Variants in SLC52A3 observed in about 807,000 individuals in gnomAD.
SLC52A3 encodes solute carrier family 52 member 3.
SLC52A3 carries 20 observed loss-of-function variants against 29.5 expected under a neutral mutation model. The observed-to-expected ratio is 0.68, with a 90% confidence interval of 0.48 to 0.99. The LOEUF is 0.99. Ranked by LOEUF, SLC52A3 falls within the 50% of genes least tolerant of loss-of-function variation. The probability of loss-of-function intolerance (pLI) is 0.00; values close to 1 mark genes in which losing one functional copy is unlikely to be tolerated. For missense variants in SLC52A3, 548 were observed against 612.9 expected (o/e 0.89, Z 1.12); for synonymous variants, 301 against 271.0 (o/e 1.11, Z -1.09).
chr20:777,114 T>G (rs998411686), upstream of SLC52A3, among the ~76,000 whole-genome samples: 11 of 151,990 alleles, frequency 7.2e-5, no homozygotes, highest in Non-Finnish European at 1.6e-4. Context: ...CGGACACCTG[T>G]AATCCCAGCT....
rs114590677 is a variant in SLC52A3, at chr20:775,675, C to A, written c.-238+280G>T. On this transcript the variant is annotated intron_variant, in intron 1 of 5. Coordinates refer to the SLC52A3 transcript ENST00000217254. ...TCCAACATGCCAGCTGAGGAGGAAA[C>A]CTTTCTTCCCTCCTGTCCCTTTGAT... Among the ~76,000 whole-genome samples the A allele has an allele frequency of 7.4e-3, 1,129 of 152,202 alleles. 10 individuals carry two copies. The highest frequency in any genetic ancestry group is 0.025 in the African/African-American group (1,054 of 41,532).
At chr20:768,605 C>T (rs1986762316), upstream of SLC52A3, 1 of 152,252 alleles carries the variant, frequency 6.6e-6, no homozygotes. Flanking sequence ...CTTCCTTCCT[C>T]ATACCTTCAC....
In SLC52A3 at chr20:763,887, G is replaced by A. The variant is rs1162121444; in HGVS notation, c.684C>T (p.Ser228=). 6.2e-7 allele frequency: 1 copy of A among 1,614,054 alleles called. No homozygotes were observed. The highest frequency in any genetic ancestry group is 1.3e-5 in the African/African-American group (1 of 74,908). Residue 228 remains serine, a synonymous_variant, in exon 3 of 5, where the codon TCC becomes TCT. Coordinates refer to ENST00000645534, the MANE Select transcript of SLC52A3 (RefSeq NM_033409.4). ...CCACGAGGCAGCAGGCCATCATGAT[G>A]GATAGGAGGAGGAAGAAGACCAGGG... The part of the protein sequence containing the change: ...FSPLVFFLLL[S]IMMACCLVAF...
chr20:767,316 G>T (rs1480980322), intron 1 of SLC52A3, among the ~76,000 whole-genome samples: 5 of 152,000 alleles, frequency 3.3e-5, no homozygotes, highest in African/African-American at 1.2e-4. Flanking sequence ...ACCCTTGAAG[G>T]ACACACAGGG....
intron 1 of SLC52A3, among the ~76,000 whole-genome samples, chr20:775,712 A>G (rs571244126): frequency 4.6e-5 from 7 of 152,036 alleles, no homozygotes; most frequent in South Asian, 2.1e-4. Context: ...TTTCACCTGG[A>G]TGGCTCAGCC....
rs149076913 is a variant in SLC52A3, at chr20:765,337, T to C, written c.438A>G (p.Gly146=). 7.6e-5 allele frequency: 122 copies of C among 1,613,728 alleles called. No homozygotes were observed. The highest frequency in any genetic ancestry group is 9.6e-5 in the Non-Finnish European group (113 of 1,179,966). The stretch of plus-strand genomic sequence containing the variant: ...CCAGGGCGGGCAAGAGGCCGCTGAG[T>C]CCTTCACCCACAAAGAAGGTGGTGA... ...YYLTTFFVGE[G]LSGLLPALVA... is the part of the protein sequence containing the mutation. Residue 146 remains glycine, a synonymous_variant, in exon 2 of 5, where the codon GGA becomes GGG. Transcript: ENST00000645534. The surrounding 1 kb of genome is among the most constrained non-coding windows in gnomAD (Gnocchi z 6.6).
In SLC52A3 at chr20:760,865, C is replaced by A; in HGVS notation, c.*161G>T. 1.4e-6 allele frequency: 1 copy of A among 694,072 alleles called. No homozygotes were observed. Among genetic ancestry groups the A allele is most frequent in the Non-Finnish European group, 2.4e-6 (1 of 410,776 alleles). 43.0% of individuals were successfully genotyped at this position (694,072 alleles called of 1,614,324 possible). On this transcript the variant is annotated 3_prime_UTR_variant, in exon 5 of 5. Coordinates refer to ENST00000645534, the MANE Select transcript of SLC52A3 (RefSeq NM_033409.4). This position sits in a 1 kb window ranked among gnomAD's most constrained non-coding sequence, Gnocchi z 4.9. ...GAGTTGGGGATAGAGCCGCACCTTG[C>A]ATTTCCAGGTGCCATCTTCCCCACA...
upstream of SLC52A3, among the ~76,000 whole-genome samples, chr20:769,106 G>A (rs1055007444): frequency 2.0e-5 from 3 of 152,240 alleles, no homozygotes; most frequent in African/African-American, 7.2e-5. Context: ...GAAGGTGGAA[G>A]GGCCTTTCTC....
chr20:778,716 C>T (rs1264258626), upstream of SLC52A3, among the ~76,000 whole-genome samples: 2 of 151,502 alleles, frequency 1.3e-5, no homozygotes, highest in East Asian at 2.0e-4. Context: ...TGCAGGATGG[C>T]CACTTTCTTC....
At chr20:772,568 A>G (rs1986873921), upstream of SLC52A3, among the ~76,000 whole-genome samples, 1 of 147,850 alleles carries the variant, frequency 6.8e-6, no homozygotes, top group African/African-American at 2.5e-5. Context: ...CTTTTAAAAG[A>G]TGCATATCTG....
upstream of SLC52A3, among the ~76,000 whole-genome samples, chr20:779,643 T>C (rs770039570): frequency 6.6e-6 from 1 of 152,114 alleles, no homozygotes. Context: ...CAAGAGCGAC[T>C]AGGCCTCCTG....
In SLC52A3 at chr20:760,553, C is replaced by CAGATCA. The variant is rs1419751595; in HGVS notation, c.*472_*473insTGATCT. 2 of 173,774 alleles carry CAGATCA rather than the reference C, an allele frequency of 1.2e-5. No individual in the cohort carries two copies. Among genetic ancestry groups the CAGATCA allele is most frequent in the African/African-American group, 4.7e-5 (2 of 42,214 alleles). The allele number at this position is 173,774 out of a possible 1,614,324, so 10.8% of individuals were successfully genotyped here. A position where few individuals can be genotyped will look rare whatever the true frequency, so the allele number is the denominator to read the frequency against. ...GATGGACTGTCAGATCAGCAGGTGG[C>CAGATCA]CCAGGAGGGCTTGCTTGATGCGGGC... On this transcript the variant is annotated 3_prime_UTR_variant, in exon 5 of 5. Coordinates refer to ENST00000645534, the MANE Select transcript of SLC52A3 (RefSeq NM_033409.4). The surrounding 1 kb of genome is among the most constrained non-coding windows in gnomAD (Gnocchi z 4.9).
upstream of SLC52A3, among the ~76,000 whole-genome samples, chr20:770,959 T>TG: frequency 6.6e-6 from 1 of 152,226 alleles, no homozygotes; most frequent in South Asian, 2.1e-4. The surrounding 1 kb of genome is among the most constrained non-coding windows in gnomAD (Gnocchi z 4.5). Context: ...AGGCATGTGG[T>TG]GGGGGTTAGA....
At chr20:772,871 C>T (rs1393350606), upstream of SLC52A3, among the ~76,000 whole-genome samples, 1 of 152,138 alleles carries the variant, frequency 6.6e-6, no homozygotes, top group African/African-American at 2.4e-5. Context: ...GAGCTGTCTG[C>T]AGAAAGCACG....
intron 4 of SLC52A3, 198 bp downstream of exon 4, chr20:761,503 T>C: frequency 1.3e-6 from 1 of 795,680 alleles, no homozygotes. Context: ...GTACACATGG[T>C]GGGAAGAGGC....
intron 3 of SLC52A3, among the ~76,000 whole-genome samples, chr20:762,136 G>A (rs139305378): frequency 5.3e-4 from 81 of 152,318 alleles, no homozygotes; most frequent in East Asian, 2.7e-3. Context: ...CCTCCAAATC[G>A]GAGTTTTGCA....
intron 4 of SLC52A3, 96 bp downstream of exon 4, chr20:761,605 C>T (rs1023696183): frequency 6.4e-7 from 1 of 1,561,316 alleles, no homozygotes; most frequent in Admixed American, 1.9e-5. Context: ...TCCCACAGAC[C>T]CCGCTCGCTG....
Position 760,713 on chromosome 20 carries a change from C to T in SLC52A3, c.*313G>A, listed in dbSNP as rs143950948. ...AGGTCACACAGCCTGAAGGGACAGC[C>T]GGCTGTCCCAGCTGTTTCCCTTCTA... On this transcript the variant is annotated 3_prime_UTR_variant, in exon 5 of 5. Coordinates refer to ENST00000645534, the MANE Select transcript of SLC52A3 (RefSeq NM_033409.4). This position sits in a 1 kb window ranked among gnomAD's most constrained non-coding sequence, Gnocchi z 4.9. 1.6e-4 allele frequency: 67 copies of T among 412,116 alleles called. No homozygotes were observed. Among genetic ancestry groups the T allele is most frequent in the African/African-American group, 1.1e-3 (56 of 50,298 alleles). 25.5% of individuals were successfully genotyped at this position (412,116 alleles called of 1,614,324 possible).
upstream of SLC52A3, among the ~76,000 whole-genome samples, chr20:773,161 G>C (rs1470256711): frequency 6.6e-6 from 1 of 152,170 alleles, no homozygotes; most frequent in Non-Finnish European, 1.5e-5. Flanking sequence ...GGAGAAACAT[G>C]AGGCGCCAGG....
Sources: allele counts gnomAD v4.1 joint callset (sites outside exome capture counted in the v4.1 genomes callset), GRCh38; gene constraint gnomAD v4.1.1; non-coding constraint Gnocchi (gnomAD v3.1); transcripts MANE v1.5; gene names NCBI Gene and HGNC (gene_info 2026-07-23, HGNC 2026-07-21).